Variants in SEMA3A observed in about 807,000 individuals in gnomAD.
SEMA3A encodes semaphorin-3A.
SEMA3A carries 29 observed loss-of-function variants against 97.9 expected under a neutral mutation model. The observed-to-expected ratio is 0.30, with a 90% CI of 0.22 to 0.40. SEMA3A has a LOEUF of 0.40. SEMA3A is among the 10% of genes least tolerant of loss of function. The probability of loss-of-function intolerance (pLI) is 1.00; values close to 1 mark genes in which losing one functional copy is unlikely to be tolerated. For missense variants in SEMA3A, 763 were observed against 951.3 expected, an observed-to-expected ratio of 0.80 and a Z score of 2.60; for synonymous variants, 321 against 323.7, an observed-to-expected ratio of 0.99 and a Z score of 0.09.
chr7:84,120,138 C>A lies in SEMA3A; in HGVS notation c.333+8985G>T, dbSNP rs1008612512. On this transcript the variant is annotated intron_variant, in intron 3 of 16. Coordinates refer to ENST00000265362, the MANE Select transcript of SEMA3A (RefSeq NM_006080.3). ...AATTAAAATGCATTTAAATTTTAAT[C>A]CTGACCCTAAAAGATTTCCAAAAAT... 9.2e-5 allele frequency among the ~76,000 whole-genome samples: 14 copies of A among 151,858 alleles called. No individual in the cohort carries two copies. In the Middle Eastern group the frequency reaches 0.014, roughly 149 times the overall value.
chr7:83,986,085 G>T (rs777260746), intron 12 of SEMA3A, among the ~76,000 whole-genome samples: 3 of 152,148 alleles, frequency 2.0e-5, no homozygotes, highest in Admixed American at 6.5e-5. Context: ...ATTCAGCATG[G>T]TCTCAGAGTG....
rs1235779948 is a variant in SEMA3A, at chr7:83,961,389, C to A, written c.2298G>T (p.Arg766Ser). 6.2e-7 allele frequency: 1 copy of A among 1,613,752 alleles called. No individual in the cohort carries two copies. Among genetic ancestry groups the A allele is most frequent in the Non-Finnish European group, 8.5e-7 (1 of 1,179,828 alleles). ...GRNRRTHEFE[R>S]APRSV ...ATGCAGCTCAGACACTCCTGGGTGC[C>A]CTCTCAAATTCGTGGGTCCTCCTGT... The change falls in exon 17 of 17, where the codon AGG (arginine) becomes AGT (serine). Residue 766 changes from arginine to serine, a missense_variant. By Grantham distance (110) the Arg-to-Ser change is moderately radical. Around this residue, in one of 2 missense-constraint regions of SEMA3A, gnomAD observed 678 missense variants for 881.3 expected, o/e 0.77. Coordinates refer to ENST00000265362, the MANE Select transcript of SEMA3A (RefSeq NM_006080.3).
intron 3 of SEMA3A, among the ~76,000 whole-genome samples, chr7:84,205,984 T>C (rs757125154): frequency 6.6e-6 from 1 of 152,038 alleles, no homozygotes; most frequent in Non-Finnish European, 1.5e-5. Flanking sequence ...AAAACTAGAG[T>C]GCCAGGATGA....
At chr7:84,401,528 A>G in intron 1 of SEMA3A, among the ~76,000 whole-genome samples, 1 of 151,876 alleles carries the variant, frequency 6.6e-6, no homozygotes, top group South Asian at 2.1e-4. Context: ...GCATGGAACT[A>G]CAGAAGATCC....
intron 3 of SEMA3A, among the ~76,000 whole-genome samples, chr7:84,205,577 T>TGTC (rs1562851329): frequency 2.0e-5 from 3 of 152,334 alleles, no homozygotes; most frequent in Admixed American, 6.5e-5. Flanking sequence ...TATTTTTTCA[T>TGTC]AATAATTTCC....
At position 84,465,540 on chromosome 7, in the gene SEMA3A, T is replaced by TA. The variant is rs151267301; in HGVS notation, c.-246+26919dup. On this transcript the variant is annotated intron_variant, in intron 1 of 3. Coordinates refer to the SEMA3A transcript ENST00000424555. ...GAAAATTTCCATTTTGTATTTCTAA[T>TA]ATAGTCTTGCTTTCTAAATGTGGAT... is the stretch of plus-strand genomic sequence containing the variant. Among the ~76,000 whole-genome samples the TA allele has an allele frequency of 0.013, 2,050 of 152,274 alleles. 90 individuals carry two copies. The East Asian group carries it at 0.16, about 12-fold the overall frequency.
At chr7:84,066,619 C>T (rs948677211) in intron 4 of SEMA3A, among the ~76,000 whole-genome samples, 2 of 148,470 alleles carry the variant, frequency 1.3e-5, no homozygotes, top group Non-Finnish European at 1.5e-5. Context: ...CATTCTTATA[C>T]ATCATCAACA....
chr7:84,031,681 A>G (rs1205497709), intron 6 of SEMA3A, among the ~76,000 whole-genome samples: 1 of 151,842 alleles, frequency 6.6e-6, no homozygotes, highest in East Asian at 2.0e-4. Context: ...TAAAAATACA[A>G]AAAAATCAGC....
At chr7:84,249,400 T>TATCTATCTATCTATCTATCTATC (rs1258002534) in intron 3 of SEMA3A, among the ~76,000 whole-genome samples, 25 of 151,784 alleles carry the variant, frequency 1.6e-4, no homozygotes, top group Non-Finnish European at 2.9e-5. Context: ...TCTATCTATC[T>TATCTATCTATCTATCTATCTATC]ATCTATCTAT....
intron 1 of SEMA3A, among the ~76,000 whole-genome samples, chr7:84,391,911 G>C (rs1423327888): frequency 6.6e-6 from 1 of 150,512 alleles, no homozygotes; most frequent in African/African-American, 2.4e-5. Context: ...AGGTAGCCAT[G>C]ATAGTGCCAA....
At chr7:84,433,324 G>C (rs1805038338) in intron 1 of SEMA3A, among the ~76,000 whole-genome samples, 1 of 150,936 alleles carries the variant, frequency 6.6e-6, no homozygotes, top group African/African-American at 2.4e-5. Context: ...AGAACATGCA[G>C]TGTTTGGTTT....
chr7:84,090,200 G>A (rs956587359), intron 4 of SEMA3A, among the ~76,000 whole-genome samples: 1 of 152,186 alleles, frequency 6.6e-6, no homozygotes, highest in East Asian at 1.9e-4. Context: ...GATTTGGAAA[G>A]AAGTTGGTAA....
At chr7:84,019,777 G>C (rs1205184890) in intron 6 of SEMA3A, among the ~76,000 whole-genome samples, 1 of 151,914 alleles carries the variant, frequency 6.6e-6, no homozygotes, top group African/African-American at 2.4e-5. Flanking sequence ...TCAGACATTG[G>C]CACAATACAA....
chr7:84,277,193 C>A (rs942533227), intron 3 of SEMA3A, among the ~76,000 whole-genome samples: 1 of 152,050 alleles, frequency 6.6e-6, no homozygotes, highest in Non-Finnish European at 1.5e-5. Context: ...GCCTTTTAAT[C>A]TTTTCCTTCC....
chr7:84,100,406 G>T (rs145930408), intron 4 of SEMA3A, among the ~76,000 whole-genome samples: 1 of 151,962 alleles, frequency 6.6e-6, no homozygotes, highest in African/African-American at 2.4e-5. Context: ...CTTTGCCTCA[G>T]GTCTATTACA....
At chr7:84,073,300 A>G (rs1245366614) in intron 4 of SEMA3A, among the ~76,000 whole-genome samples, 8 of 151,852 alleles carry the variant, frequency 5.3e-5, no homozygotes, top group Non-Finnish European at 1.0e-4. Flanking sequence ...ACTGGATGTG[A>G]GTGTAGGAGG....
intron 1 of SEMA3A, among the ~76,000 whole-genome samples, chr7:84,420,821 G>A (rs1017808451): frequency 6.6e-6 from 1 of 151,866 alleles, no homozygotes; most frequent in Non-Finnish European, 1.5e-5. Flanking sequence ...TATTTCTGTG[G>A]GATCAGTGGT....
chr7:84,290,577 C>T (rs986732367), intron 3 of SEMA3A, among the ~76,000 whole-genome samples: 4 of 152,046 alleles, frequency 2.6e-5, no homozygotes, highest in African/African-American at 9.7e-5. Flanking sequence ...CAAATTCCTA[C>T]AGCAACACCC....
chr7:84,356,944 TA>T (rs1272948027), intron 2 of SEMA3A, among the ~76,000 whole-genome samples: 2 of 151,836 alleles, frequency 1.3e-5, no homozygotes, highest in African/African-American at 2.4e-5. Context: ...AAATTCCACT[TA>T]TACGTGATGT....
Sources: allele counts gnomAD v4.1 joint callset (sites outside exome capture counted in the v4.1 genomes callset), GRCh38; gene constraint gnomAD v4.1.1; regional missense constraint gnomAD v4.1.1; transcripts MANE v1.5; gene names NCBI Gene and HGNC (gene_info 2026-07-23, HGNC 2026-07-21).